The following HIVEP3 variants were observed in gnomAD, a reference collection of about 807,000 sequenced individuals.
HIVEP3 encodes transcription factor HIVEP3.
In HIVEP3, 49 loss-of-function variants were observed where a neutral mutation model predicts 152.8. The ratio of observed to expected loss-of-function variants is 0.32; its 90% CI spans 0.26 to 0.41. HIVEP3 has a LOEUF of 0.41. Among genes scored for constraint, HIVEP3 ranks in the 10% least tolerant of loss-of-function variants. The pLI, the probability that HIVEP3 is intolerant of heterozygous loss-of-function variation, is 1.00. For synonymous variants in HIVEP3, 1,269 were observed against 1,289.0 expected, an observed-to-expected ratio of 0.98 and a Z score of 0.33; for missense variants, 2,790 against 3,103.3, an observed-to-expected ratio of 0.90 and a Z score of 2.40.
At chr1:41,929,850 G>T (rs902977572) in intron 1 of HIVEP3, among the ~76,000 whole-genome samples, 2 of 150,442 alleles carry the variant, frequency 1.3e-5, no homozygotes, top group Non-Finnish European at 3.0e-5. Flanking sequence ...TTCTTTCTCA[G>T]ACAGACACCT....
At chr1:41,669,783 C>A (rs149851519) in intron 2 of HIVEP3, among the ~76,000 whole-genome samples, 1 of 152,332 alleles carries the variant, frequency 6.6e-6, no homozygotes, top group African/African-American at 2.4e-5. Flanking sequence ...TTGCTGACAG[C>A]AGATCATAGG....
chr1:42,002,804 A>G (rs1287372262), intron 1 of HIVEP3, among the ~76,000 whole-genome samples: 1 of 140,640 alleles, frequency 7.1e-6, no homozygotes, highest in Non-Finnish European at 1.6e-5. Context: ...CACCCTGCCC[A>G]CATGCTCATA....
chr1:41,757,214 C>A (rs35692034), intron 1 of HIVEP3, among the ~76,000 whole-genome samples: 73,068 of 151,012 alleles, frequency 0.48, 20,063 homozygotes, highest in Non-Finnish European at 0.63. Context: ...CTCCCAGGTT[C>A]ACGCCATTCT....
intron 1 of HIVEP3, among the ~76,000 whole-genome samples, chr1:41,782,311 GA>G (rs896295868): frequency 1.3e-5 from 2 of 152,214 alleles, no homozygotes; most frequent in African/African-American, 4.8e-5. Context: ...GCTGTGGGCA[GA>G]AGGGAAAGGG....
chr1:41,862,970 T>C (rs889059229), intron 1 of HIVEP3, among the ~76,000 whole-genome samples: 8 of 152,108 alleles, frequency 5.3e-5, no homozygotes, highest in Non-Finnish European at 1.0e-4. Context: ...AAGGAAACAA[T>C]GAATGCACAC....
intron 6 of HIVEP3, among the ~76,000 whole-genome samples, chr1:41,519,225 C>A (rs570287552): frequency 9.8e-5 from 15 of 152,328 alleles, no homozygotes; most frequent in African/African-American, 3.1e-4. Flanking sequence ...AAGGCCTGGG[C>A]AAGGCCTCTG....
chr1:41,623,242 C>T (rs972696902), intron 3 of HIVEP3, among the ~76,000 whole-genome samples: 7 of 152,162 alleles, frequency 4.6e-5, no homozygotes, highest in Admixed American at 6.5e-5. Flanking sequence ...TTTGGAGAAG[C>T]GACACGAGAA....
chr1:42,016,503 C>A (rs950559802), intron 1 of HIVEP3, among the ~76,000 whole-genome samples: 1 of 151,456 alleles, frequency 6.6e-6, no homozygotes, highest in African/African-American at 2.4e-5. Flanking sequence ...TCAGTAATCC[C>A]CCGAGAGAGC....
intron 2 of HIVEP3, among the ~76,000 whole-genome samples, chr1:41,634,308 T>C (rs4660551): frequency 0.76 from 116,387 of 152,158 alleles, 45,468 homozygotes; most frequent in East Asian, 1. Context: ...AATTAGATAC[T>C]ATTTAATTCT....
intron 1 of HIVEP3, among the ~76,000 whole-genome samples, chr1:41,801,727 G>C (rs375253989): frequency 1.4e-4 from 21 of 151,680 alleles, no homozygotes; most frequent in African/African-American, 4.6e-4. Flanking sequence ...CTGGGGCACA[G>C]AGTGAGACTC....
At chr1:41,993,080 T>C (rs1645373243) in intron 1 of HIVEP3, among the ~76,000 whole-genome samples, 1 of 150,942 alleles carries the variant, frequency 6.6e-6, no homozygotes, top group African/African-American at 2.4e-5. Flanking sequence ...ATTCAGGACA[T>C]AGGCATGGGC....
At position 42,007,492 on chromosome 1, in the gene HIVEP3, C is replaced by A. The variant is rs114274568; in HGVS notation, n.119+28315G>T. 4.8e-3 allele frequency among the ~76,000 whole-genome samples: 738 copies of A among 152,238 alleles called. 4 individuals carry two copies. Among genetic ancestry groups the A allele is most frequent in the African/African-American group, 0.017 (715 of 41,552 alleles). ...TGCTGCAGGTAGAGTATTTGATGGG[C>A]AATTTAAGGATTTTCAAGGGTAACT... On this transcript the variant is annotated intron_variant and non_coding_transcript_variant, in intron 1 of 3. Transcript: ENST00000489103.
intron 1 of HIVEP3, among the ~76,000 whole-genome samples, chr1:41,904,148 C>T (rs1416519369): frequency 3.3e-5 from 5 of 152,074 alleles, no homozygotes; most frequent in Non-Finnish European, 2.9e-5. Context: ...CTGCCTACCT[C>T]GGCCTCCCAA....
intron 2 of HIVEP3, among the ~76,000 whole-genome samples, chr1:41,689,077 C>A (rs1273156605): frequency 3.3e-5 from 5 of 152,270 alleles, no homozygotes; most frequent in Admixed American, 3.3e-4. Context: ...AAGACACTTA[C>A]AAGTGTTTAC....
chr1:41,787,912 G>A (rs146454780), intron 1 of HIVEP3, among the ~76,000 whole-genome samples: 2 of 152,082 alleles, frequency 1.3e-5, no homozygotes, highest in Non-Finnish European at 2.9e-5. Context: ...ATGTGGGGAG[G>A]GGGGTGTGGA....
chr1:41,746,325 C>A (rs1437063596), intron 1 of HIVEP3, among the ~76,000 whole-genome samples: 2 of 152,196 alleles, frequency 1.3e-5, no homozygotes, highest in African/African-American at 2.4e-5. Context: ...AGATTAGAAA[C>A]CAAGGGCTTC....
intron 1 of HIVEP3, among the ~76,000 whole-genome samples, chr1:41,855,417 C>T (rs1282201978): frequency 6.6e-6 from 1 of 151,954 alleles, no homozygotes; most frequent in East Asian, 1.9e-4. Flanking sequence ...AACAGGCAAC[C>T]TACAACATGG....
chr1:41,893,122 C>CAAAA (rs59214004), intron 1 of HIVEP3, among the ~76,000 whole-genome samples: 16 of 76,792 alleles, frequency 2.1e-4, no homozygotes, highest in African/African-American at 6.7e-4. Context: ...GATCTCGTCT[C>CAAAA]AAAAAAAAAA....
At chr1:41,685,106 A>T (rs916278783) in intron 2 of HIVEP3, among the ~76,000 whole-genome samples, 2 of 152,162 alleles carry the variant, frequency 1.3e-5, no homozygotes, top group African/African-American at 4.8e-5. Flanking sequence ...TCCCATCCAT[A>T]CACTGAAAAA....
Sources: gnomAD v4.1 joint callset for allele counts (sites outside exome capture counted in the v4.1 genomes callset) on GRCh38, gnomAD v4.1.1 for gene constraint, MANE v1.5 for transcripts, NCBI Gene and HGNC (gene_info 2026-07-23, HGNC 2026-07-21) for gene names.